EYA3: variants seen among roughly 807,000 people sequenced by gnomAD.
EYA3 encodes the protein EYA transcriptional coactivator and phosphatase 3.
Under a neutral mutation model 80.0 loss-of-function variants are expected in EYA3, and 39 were observed. The observed-to-expected ratio is 0.49, with a 90% confidence interval of 0.38 to 0.64. The LOEUF (loss-of-function observed/expected upper bound fraction) is 0.64. EYA3 is among the 30% of genes least tolerant of loss of function. The pLI is 0.00. For synonymous variants in EYA3, 206 were observed against 232.8 expected (o/e 0.88, Z 1.05); for missense variants, 523 against 676.1 (o/e 0.77, Z 2.51).
intron 1 of EYA3, among the ~76,000 whole-genome samples, chr1:28,063,862 C>T (rs1644732007): frequency 6.6e-6 from 1 of 152,010 alleles, no homozygotes; most frequent in Admixed American, 6.6e-5. Context: ...ATTGATTTAA[C>T]AATAGTGAAA....
At chr1:28,077,481 GA>G (rs1174868979) in intron 1 of EYA3, among the ~76,000 whole-genome samples, 1 of 152,090 alleles carries the variant, frequency 6.6e-6, no homozygotes, top group Non-Finnish European at 1.5e-5. Flanking sequence ...TATTAAGAAG[GA>G]GGAGGTTAAC....
intron 13 of EYA3, among the ~76,000 whole-genome samples, chr1:27,997,075 C>A (rs1640507273): frequency 6.6e-6 from 1 of 152,216 alleles, no homozygotes; most frequent in African/African-American, 2.4e-5. Context: ...AGAAACCTCT[C>A]CAGTGTTGGC....
intron 16 of EYA3, among the ~76,000 whole-genome samples, chr1:27,981,979 T>C (rs1018694150): frequency 6.6e-6 from 1 of 151,352 alleles, no homozygotes; most frequent in Admixed American, 6.6e-5. Context: ...CCTAGGATTG[T>C]AGGTACAAGC....
chr1:27,981,671 G>A (rs773432370), intron 16 of EYA3, among the ~76,000 whole-genome samples: 6 of 150,812 alleles, frequency 4.0e-5, no homozygotes, highest in Non-Finnish European at 4.4e-5. Context: ...CAAGCTACTC[G>A]AAAAGCTGAG....
At chr1:28,085,786 T>G (rs1253931477) in intron 1 of EYA3, among the ~76,000 whole-genome samples, 2 of 150,654 alleles carry the variant, frequency 1.3e-5, no homozygotes, top group African/African-American at 2.4e-5. Context: ...TGTTTGTTTG[T>G]TTTGGTTTGG....
chr1:28,042,543 T>A, intron 4 of EYA3, 28 bp downstream of exon 4: 1 of 1,576,500 alleles, frequency 6.3e-7, no homozygotes, highest in Non-Finnish European at 8.7e-7. Flanking sequence ...GAATATCTGT[T>A]CAATCATGCA....
At chr1:28,085,760 G>GGTTTGTTT (rs149922866) in intron 1 of EYA3, among the ~76,000 whole-genome samples, 167 of 151,842 alleles carry the variant, frequency 1.1e-3, no homozygotes, top group African/African-American at 3.8e-3. Flanking sequence ...GCTGTCTCTG[G>GGTTTGTTT]GTTTGTTTGT....
chr1:28,005,125 A>G (rs532576346), intron 10 of EYA3, among the ~76,000 whole-genome samples: 2 of 152,358 alleles, frequency 1.3e-5, no homozygotes, highest in Non-Finnish European at 2.9e-5. Context: ...ATAAAGTACC[A>G]AAACTGTCTC....
intron 2 of EYA3, among the ~76,000 whole-genome samples, chr1:28,056,818 A>G (rs917600385): frequency 6.6e-6 from 1 of 152,226 alleles, no homozygotes; most frequent in Non-Finnish European, 1.5e-5. Context: ...CAACACTTAC[A>G]TAAGTCTTTT....
chr1:28,073,127 ATTTT>A (rs1180868021), intron 1 of EYA3, among the ~76,000 whole-genome samples: 14 of 14,994 alleles, frequency 9.3e-4, no homozygotes, highest in African/African-American at 3.8e-3. Context: ...ATATATATAT[ATTTT>A]TTTTTTTTTT....
chr1:28,054,783 G>A (rs1016975224), intron 2 of EYA3, among the ~76,000 whole-genome samples: 4 of 152,126 alleles, frequency 2.6e-5, no homozygotes, highest in South Asian at 2.1e-4. Flanking sequence ...CCTGGGAGGC[G>A]GAGGCTGCAG....
chr1:28,029,966 C>G (rs1289569330), intron 6 of EYA3, among the ~76,000 whole-genome samples: 1 of 152,028 alleles, frequency 6.6e-6, no homozygotes, highest in African/African-American at 2.4e-5. Context: ...GTAGTTGAAG[C>G]TGATAATTAG....
At chr1:28,037,531 T>C (rs949638948) in intron 5 of EYA3, among the ~76,000 whole-genome samples, 1 of 152,216 alleles carries the variant, frequency 6.6e-6, no homozygotes, top group Admixed American at 6.5e-5. Context: ...TCTCCAGATA[T>C]GGTAAAGACC....
intron 16 of EYA3, among the ~76,000 whole-genome samples, chr1:27,980,986 T>C (rs903322220): frequency 2.6e-5 from 4 of 152,236 alleles, no homozygotes; most frequent in Middle Eastern, 6.8e-3. Flanking sequence ...AAGGTTGCAA[T>C]GGGCTATAAT....
At chr1:28,004,177 C>T (rs1641101146) in intron 11 of EYA3, among the ~76,000 whole-genome samples, 159 bp downstream of exon 11, 1 of 152,156 alleles carries the variant, frequency 6.6e-6, no homozygotes, top group African/African-American at 2.4e-5. Context: ...ATGTAGCCTG[C>T]CTAATACAAG....
At chr1:28,036,511 C>T (rs1410991730) in intron 5 of EYA3, among the ~76,000 whole-genome samples, 2 of 152,142 alleles carry the variant, frequency 1.3e-5, no homozygotes, top group African/African-American at 4.8e-5. Context: ...AGATGGGTTC[C>T]AATATCCTCA....
chr1:28,008,334 T>C (rs1641446510), intron 10 of EYA3, among the ~76,000 whole-genome samples: 1 of 151,136 alleles, frequency 6.6e-6, no homozygotes, highest in African/African-American at 2.4e-5. Context: ...ACGATGAAAA[T>C]CTCAGAAAAA....
At chr1:27,976,088 T>C (rs2148697149) in intron 17 of EYA3, among the ~76,000 whole-genome samples, 1 of 152,332 alleles carries the variant, frequency 6.6e-6, no homozygotes, top group African/African-American at 2.4e-5. Flanking sequence ...TAGTTGTTTT[T>C]CAAGACAGCT....
chr1:28,002,733 G>C (rs1374281741), intron 11 of EYA3, among the ~76,000 whole-genome samples: 1 of 151,770 alleles, frequency 6.6e-6, no homozygotes, highest in Non-Finnish European at 1.5e-5. Flanking sequence ...GATTGCTTTA[G>C]CTCAAGAGAT....
Sources: gnomAD v4.1 joint callset for allele counts (sites outside exome capture counted in the v4.1 genomes callset) on GRCh38, gnomAD v4.1.1 for gene constraint, MANE v1.5 for transcripts, NCBI Gene and HGNC (gene_info 2026-07-23, HGNC 2026-07-21) for gene names.